PRAMEF15: variants seen among roughly 807,000 people sequenced by gnomAD.
PRAMEF15 encodes PRAME family member 15.
A neutral mutation model predicts 35.3 loss-of-function variants in PRAMEF15; 21 were observed. That is an observed-to-expected ratio of 0.59 (90% CI 0.42 to 0.86). The LOEUF is 0.86. PRAMEF15 is among the 40% of genes least tolerant of loss of function. The pLI, the probability that PRAMEF15 is intolerant of heterozygous loss-of-function variation, is 0.00. For synonymous variants in PRAMEF15, 122 were observed against 223.3 expected, an observed-to-expected ratio of 0.55 and a Z score of 4.05; for missense variants, 360 against 574.1, an observed-to-expected ratio of 0.63 and a Z score of 3.81.
rs1640061242 is a variant in PRAMEF15, at chr1:13,319,962, G to A, written c.875+9G>A. On this transcript the variant is annotated intron_variant, in intron 3 of 3. Transcript: ENST00000376152. ...CTGGACCAGCTGCTCAGGTGAGGGA[G>A]GATGGTGAGCTTTCTCTGCAGACCA... 3.1e-6 allele frequency: 5 copies of A among 1,611,304 alleles called. No individual in the cohort carries two copies. Among genetic ancestry groups the A allele is most frequent in the East Asian group, 2.2e-5 (1 of 44,898 alleles).
At position 13,321,876 on chromosome 1, in the gene PRAMEF15, T is replaced by G. The variant is rs1640088665; in HGVS notation, c.1049T>G (p.Val350Gly). 1 of 1,609,286 alleles carries G rather than the reference T, an allele frequency of 6.2e-7. No homozygotes were observed. Among genetic ancestry groups the G allele is most frequent in the South Asian group, 1.1e-5 (1 of 90,778 alleles). The change falls in exon 4 of 4, where the codon GTT (valine) becomes GGT (glycine). Residue 350 changes from valine to glycine, a missense_variant. Around this residue, in one of 8 missense-constraint regions of PRAMEF15, gnomAD observed 72 missense variants for 79.9 expected, o/e 0.90. Transcript: ENST00000376152. The stretch of plus-strand genomic sequence containing the variant: ...CCTCTCCAAATTCTCCTAGAAAAAG[T>G]TGCAGCCACCCTTGAGTACCTGGAT... ...LVPLQILLEK[V>G]AATLEYLDLD...
chr1:13,319,305 C>T lies in PRAMEF15; in HGVS notation c.294-67C>T, dbSNP rs995971937. On this transcript the variant is annotated intron_variant, in intron 2 of 3. Coordinates refer to ENST00000376152, the MANE Select transcript of PRAMEF15 (RefSeq NM_001098376.3). Reference sequence around the variant, plus strand: ...AGCAGGGAGGGGAGGAGCTGCTATCCAGGATGTGGAGTTTAAGTTCAGAAA... The same window carrying T: ...AGCAGGGAGGGGAGGAGCTGCTATCTAGGATGTGGAGTTTAAGTTCAGAAA... The T allele has an allele frequency of 1.0e-5, 16 of 1,598,010 alleles. 1 individual carries two copies. In the South Asian group the frequency reaches 1.7e-4, roughly 17 times the overall value.
intron 3 of PRAMEF15, among the ~76,000 whole-genome samples, chr1:13,321,139 C>A (rs1422184289): frequency 6.6e-6 from 1 of 151,228 alleles, no homozygotes; most frequent in Non-Finnish European, 1.5e-5. Flanking sequence ...GGAAAGGGAG[C>A]TTTAGGGATT....
intron 3 of PRAMEF15, among the ~76,000 whole-genome samples, chr1:13,320,687 G>T (rs1312052899): frequency 2.0e-5 from 3 of 152,068 alleles, no homozygotes; most frequent in Non-Finnish European, 4.4e-5. Context: ...GACTCCCAAA[G>T]TGCTGGGATT....
chr1:13,316,074 C>T (rs1337475418), intron 1 of PRAMEF15, among the ~76,000 whole-genome samples: 2 of 150,122 alleles, frequency 1.3e-5, no homozygotes, highest in African/African-American at 4.9e-5. Flanking sequence ...ATCTCAACTC[C>T]CTGCAACCTT....
intron 3 of PRAMEF15, among the ~76,000 whole-genome samples, chr1:13,320,462 C>G (rs1228565010): frequency 1.3e-5 from 2 of 152,004 alleles, no homozygotes; most frequent in African/African-American, 4.8e-5. Flanking sequence ...TCACTTTGAT[C>G]GTCCAGGCTA....
chr1:13,321,652 C>T, intron 3 of PRAMEF15, 51 bp from the exon 4 acceptor site: 1 of 1,593,584 alleles, frequency 6.3e-7, no homozygotes, highest in East Asian at 2.3e-5. Flanking sequence ...CCACCACCCT[C>T]CACTCACCCC....
In PRAMEF15 at chr1:13,321,825, T is replaced by C; in HGVS notation, c.998T>C (p.Ile333Thr). 6.2e-7 allele frequency: 1 copy of C among 1,608,084 alleles called. No individual in the cohort carries two copies. The highest frequency in any genetic ancestry group is 8.5e-7 in the Non-Finnish European group (1 of 1,177,462). Reference protein sequence around the residue: ...SQLKTLDLSGIRLTNYSLVPL... With the variant: ...SQLKTLDLSGTRLTNYSLVPL... ...CTAAAGACCCTGGACCTGAGTGGCA[T>C]CAGACTGACCAATTATAGTCTTGTG... is the stretch of plus-strand genomic sequence containing the variant. Residue 333 changes from isoleucine (I) to threonine (T), a missense_variant, in exon 4 of 4, where the codon ATC (isoleucine) becomes ACC (threonine). By Grantham distance (89) the Ile-to-Thr change is moderately conservative. This residue lies in a region of PRAMEF15 where 72 missense variants were observed against 79.9 expected (regional missense o/e 0.90). Transcript: ENST00000376152.
chr1:13,318,268 A>T, intron 1 of PRAMEF15, 124 bp from the exon 2 acceptor site: 1 of 1,531,864 alleles, frequency 6.5e-7, no homozygotes. Context: ...TACAGAGTAG[A>T]ATTGGAGTAA....
In PRAMEF15 at chr1:13,322,123, A is replaced by G. The variant is rs1231340697; in HGVS notation, c.1296A>G (p.Arg432=). ...CTGATGGTACTCTCTGCTGGAGCAG[A>G]TTTGCTCAAATTAGGGCTGAGCTGA... The part of the protein sequence containing the change: ...YGADGTLCWS[R]FAQIRAELMN... Residue 432 remains arginine (R), a synonymous_variant, in exon 4 of 4, where the codon AGA becomes AGG. Coordinates refer to ENST00000376152, the MANE Select transcript of PRAMEF15 (RefSeq NM_001098376.3). The G allele has an allele frequency of 9.2e-4, 1,476 of 1,608,928 alleles. 9 individuals carry two copies. Among genetic ancestry groups the G allele is most frequent in the Non-Finnish European group, 1.2e-3 (1,406 of 1,178,956 alleles).
intron 2 of PRAMEF15, among the ~76,000 whole-genome samples, chr1:13,319,108 C>A (rs1640045591): frequency 1.3e-5 from 2 of 151,064 alleles, no homozygotes; most frequent in African/African-American, 2.4e-5. Context: ...GCAGGAGAAT[C>A]ATTTGAACCC....
Position 13,318,681 on chromosome 1 carries a change from A to G in PRAMEF15, c.274A>G (p.Thr92Ala). 3.1e-6 allele frequency: 5 copies of G among 1,613,894 alleles called. No individual in the cohort carries two copies. Among genetic ancestry groups the G allele is most frequent in the Middle Eastern group, 1.7e-4 (1 of 5,908 alleles). The change falls in exon 2 of 4, where the codon ACC (threonine) becomes GCC (alanine). Residue 92 changes from threonine (T) to alanine (A), a missense_variant. Thr to Ala is a moderately conservative substitution (Grantham distance 58). Transcript: ENST00000376152. The stretch of plus-strand genomic sequence containing the variant: ...GCTCGATGGGCTTGATGCACTGCTT[A>G]CCCAAGGGGTTCGTCCCAGGTGAGG... ...AVLDGLDALL[T>A]QGVRPRRWKL...
chr1:13,321,387 G>T (rs1414952470), intron 3 of PRAMEF15, among the ~76,000 whole-genome samples: 5 of 151,286 alleles, frequency 3.3e-5, no homozygotes, highest in Non-Finnish European at 5.9e-5. Context: ...GCTAATTTTT[G>T]GATTTTTAGT....
At chr1:13,321,363 C>T (rs1213254134) in intron 3 of PRAMEF15, among the ~76,000 whole-genome samples, 2 of 151,080 alleles carry the variant, frequency 1.3e-5, no homozygotes, top group Admixed American at 6.6e-5. Context: ...TGCAGGCTCC[C>T]GCCACCACAC....
intron 1 of PRAMEF15, among the ~76,000 whole-genome samples, chr1:13,316,516 T>C (rs1292764233): frequency 0.011 from 1,716 of 151,004 alleles, 45 homozygotes; most frequent in African/African-American, 0.04. Flanking sequence ...GACATGGCTG[T>C]GGGGGGTGCA....
chr1:13,321,310 G>A (rs1232314258), intron 3 of PRAMEF15, among the ~76,000 whole-genome samples: 73 of 149,998 alleles, frequency 4.9e-4, no homozygotes, highest in African/African-American at 1.7e-3. Flanking sequence ...CACCTCCTGG[G>A]TTCAAGCGAT....
In PRAMEF15 at chr1:13,321,908, G is replaced by T. The variant is rs1333339441; in HGVS notation, c.1081G>T (p.Asp361Tyr). Residue 361 changes from aspartate to tyrosine, a missense_variant, in exon 4 of 4, where the codon GAC becomes TAC. This residue lies in a region of PRAMEF15 where 7 missense variants were observed against 23.0 expected (regional missense o/e 0.30). Transcript: ENST00000376152. ...AATLEYLDLD[D>Y]CGIIDSQVNA... is the part of the protein sequence containing the mutation. ...CACCCTTGAGTACCTGGATTTAGAT[G>T]ACTGTGGCATCATAGACTCCCAAGT... is the stretch of plus-strand genomic sequence containing the variant. 1 of 1,611,142 alleles carries T rather than the reference G, an allele frequency of 6.2e-7. No homozygotes were observed. Among genetic ancestry groups the T allele is most frequent in the East Asian group, 2.2e-5 (1 of 44,578 alleles).
chr1:13,322,134 T>C lies in PRAMEF15; in HGVS notation c.1307T>C (p.Ile436Thr). 6.3e-7 allele frequency: 1 copy of C among 1,584,074 alleles called. No homozygotes were observed. The highest frequency in any genetic ancestry group is 8.6e-7 in the Non-Finnish European group (1 of 1,161,988). The stretch of plus-strand genomic sequence containing the variant: ...CTCTGCTGGAGCAGATTTGCTCAAA[T>C]TAGGGCTGAGCTGATGAACAGAGTG... Reference protein sequence around the residue: ...GTLCWSRFAQIRAELMNRVRD... With the variant: ...GTLCWSRFAQTRAELMNRVRD... Residue 436 changes from isoleucine to threonine, a missense_variant, in exon 4 of 4, where the codon ATT (isoleucine) becomes ACT (threonine). Physicochemically the swap from Ile to Thr is moderately conservative, Grantham distance 89. Transcript: ENST00000376152.
intron 1 of PRAMEF15, among the ~76,000 whole-genome samples, chr1:13,318,185 C>A (rs1640031410): frequency 1.3e-5 from 2 of 152,104 alleles, no homozygotes; most frequent in South Asian, 4.1e-4. Flanking sequence ...AGTGGTGGCC[C>A]TGCTTCCTCA....
Sources: gnomAD v4.1 joint callset for allele counts (sites outside exome capture counted in the v4.1 genomes callset) on GRCh38, gnomAD v4.1.1 for gene constraint, gnomAD v4.1.1 regional missense constraint, MANE v1.5 for transcripts, NCBI Gene and HGNC (gene_info 2026-07-23, HGNC 2026-07-21) for gene names.